Variants in TASP1 observed in about 807,000 individuals in gnomAD.
TASP1 encodes the protein taspase 1.
A neutral mutation model predicts 56.6 loss-of-function variants in TASP1; 16 were observed. The ratio of observed to expected loss-of-function variants is 0.28; its 90% confidence interval spans 0.19 to 0.43. The LOEUF (loss-of-function observed/expected upper bound fraction) is 0.43, where lower values mean the gene tolerates loss of function less well. TASP1 is among the 20% of genes least tolerant of loss of function. TASP1 has a pLI of 1.00. For synonymous variants in TASP1, 179 were observed against 184.2 expected (o/e 0.97, Z 0.23); for missense variants, 393 against 511.6 (o/e 0.77, Z 2.24).
chr20:13,477,661 A>G (rs1021121752), intron 11 of TASP1, among the ~76,000 whole-genome samples: 1 of 152,180 alleles, frequency 6.6e-6, no homozygotes, highest in East Asian at 1.9e-4. Context: ...TTATATGTGT[A>G]TATGTGTGTA....
chr20:13,120,705 A>T, the TASP1 span, among the ~76,000 whole-genome samples: 73 of 152,364 alleles, frequency 4.8e-4, no homozygotes, highest in African/African-American at 1.7e-3. Context: ...TAGTATGACG[A>T]TACTACTAGA....
the TASP1 span, among the ~76,000 whole-genome samples, chr20:13,253,992 C>A: frequency 3.4e-5 from 5 of 147,846 alleles, no homozygotes; most frequent in East Asian, 2.0e-4. Context: ...CCGAGGTGAG[C>A]GGATCACTTG....
At chr20:13,273,725 G>A in the TASP1 span, among the ~76,000 whole-genome samples, 1 of 152,290 alleles carries the variant, frequency 6.6e-6, no homozygotes, top group South Asian at 2.1e-4. Flanking sequence ...AAAAATTAAT[G>A]CGGCTCCAGC....
intron 11 of TASP1, among the ~76,000 whole-genome samples, chr20:13,469,791 C>CCTTTTTT (rs2044406174): frequency 2.8e-5 from 2 of 72,392 alleles, no homozygotes; most frequent in Admixed American, 1.8e-4. Context: ...CAATAAATGT[C>CCTTTTTT]CTTTTTTTTT....
chr20:13,448,195 T>A (rs550523769), intron 11 of TASP1, among the ~76,000 whole-genome samples: 1 of 152,082 alleles, frequency 6.6e-6, no homozygotes, highest in Non-Finnish European at 1.5e-5. Flanking sequence ...TATTCCTAAA[T>A]GGTCAGCCAA....
intron 11 of TASP1, among the ~76,000 whole-genome samples, chr20:13,452,221 T>C (rs1222184658): frequency 1.3e-5 from 2 of 152,072 alleles, no homozygotes; most frequent in East Asian, 3.9e-4. Flanking sequence ...CATACACTGT[T>C]GGAAAAATGG....
the TASP1 span, among the ~76,000 whole-genome samples, chr20:13,229,135 CT>C: frequency 1.3e-4 from 19 of 145,526 alleles, no homozygotes; most frequent in African/African-American, 4.9e-4. Flanking sequence ...TCTTTCTTCT[CT>C]TCTCTCTCTC....
the TASP1 span, among the ~76,000 whole-genome samples, chr20:13,351,394 T>C: frequency 6.6e-6 from 1 of 152,246 alleles, no homozygotes; most frequent in Non-Finnish European, 1.5e-5. Flanking sequence ...TTAGCATCTG[T>C]ATTAATAAAT....
In TASP1 at chr20:13,420,167, GATAAA is replaced by G. The variant is rs2042386282; in HGVS notation, c.1097-2651_1097-2647del. ...AGCCAATATGACCATGAGAGCAAAG[GATAAA>G]GACATTACCCTTTATTTTTTAAATA... On this transcript the variant is annotated intron_variant, in intron 12 of 13. Coordinates refer to ENST00000337743, the MANE Select transcript of TASP1 (RefSeq NM_017714.3). 2.6e-5 allele frequency among the ~76,000 whole-genome samples: 4 copies of G among 152,156 alleles called. No individual in the cohort carries two copies. The South Asian group carries it at 8.3e-4, about 32-fold the overall frequency.
chr20:13,637,795 T>C (rs557241269), intron 1 of TASP1, among the ~76,000 whole-genome samples: 5 of 152,112 alleles, frequency 3.3e-5, no homozygotes, highest in Non-Finnish European at 7.4e-5. Flanking sequence ...GTGATGAAAA[T>C]GTTCTGAAAG....
At chr20:13,492,978 T>C (rs898631559) in intron 10 of TASP1, among the ~76,000 whole-genome samples, 4 of 152,112 alleles carry the variant, frequency 2.6e-5, no homozygotes, top group African/African-American at 9.7e-5. Flanking sequence ...ACTAAGTGCT[T>C]TATACATATA....
chr20:13,568,042 T>C (rs1434845732), intron 7 of TASP1, among the ~76,000 whole-genome samples: 2 of 152,226 alleles, frequency 1.3e-5, no homozygotes, highest in Non-Finnish European at 2.9e-5. Context: ...ACAGGGATCA[T>C]GGGAATTTAA....
At chr20:13,310,331 G>T in the TASP1 span, among the ~76,000 whole-genome samples, 10 of 152,188 alleles carry the variant, frequency 6.6e-5, no homozygotes, top group Middle Eastern at 3.4e-3. Flanking sequence ...GGGAAAGGGT[G>T]GTCTCTTCAA....
chr20:13,501,034 A>G (rs2043926774), intron 10 of TASP1, among the ~76,000 whole-genome samples: 2 of 152,080 alleles, frequency 1.3e-5, no homozygotes, highest in Non-Finnish European at 2.9e-5. Flanking sequence ...GATACTTCTC[A>G]CCAGAAACAA....
At chr20:13,238,739 A>C in the TASP1 span, among the ~76,000 whole-genome samples, 1 of 152,220 alleles carries the variant, frequency 6.6e-6, no homozygotes, top group African/African-American at 2.4e-5. Context: ...CACATCTACG[A>C]TCAAAATGAC....
At chr20:13,292,590 A>C in the TASP1 span, 1 of 656,466 alleles carries the variant, frequency 1.5e-6, no homozygotes. Context: ...CAGTGCTCCC[A>C]GCATGTGTCT....
At chr20:13,305,538 C>A in the TASP1 span, among the ~76,000 whole-genome samples, 1 of 152,138 alleles carries the variant, frequency 6.6e-6, no homozygotes, top group African/African-American at 2.4e-5. Context: ...ATGTGTGGGT[C>A]GTCCCATTAT....
chr20:13,194,446 G>T, the TASP1 span, among the ~76,000 whole-genome samples: 3 of 152,056 alleles, frequency 2.0e-5, no homozygotes, highest in Non-Finnish European at 4.4e-5. Context: ...ATTGCAAATG[G>T]TTGAATATCC....
At chr20:13,245,059 A>G in the TASP1 span, among the ~76,000 whole-genome samples, 1 of 152,224 alleles carries the variant, frequency 6.6e-6, no homozygotes, top group Non-Finnish European at 1.5e-5. Flanking sequence ...TGGGATTTTA[A>G]TACCAAAAAG....
Sources: allele counts gnomAD v4.1 joint callset (sites outside exome capture counted in the v4.1 genomes callset), GRCh38; gene constraint gnomAD v4.1.1; transcripts MANE v1.5; gene names NCBI Gene and HGNC (gene_info 2026-07-23, HGNC 2026-07-21).